Variants in PPP2R2C observed in about 807,000 individuals in gnomAD.
PPP2R2C encodes the protein protein phosphatase 2 regulatory subunit Bgamma, also known as protein phosphatase 2, regulatory subunit B, gamma.
In PPP2R2C, 10 loss-of-function variants were observed where a neutral mutation model predicts 45.3. The ratio of observed to expected loss-of-function variants is 0.22; its 90% CI spans 0.14 to 0.37. The LOEUF (loss-of-function observed/expected upper bound fraction) is 0.37, where lower values mean the gene tolerates loss of function less well. Ranked by LOEUF, PPP2R2C falls within the 10% of genes least tolerant of loss-of-function variation. The pLI is 1.00. For missense variants in PPP2R2C, 308 were observed against 619.7 expected (o/e 0.50, Z 5.34); for synonymous variants, 257 against 245.4 (o/e 1.05, Z -0.44).
chr4:6,383,573 T>G, intron 1 of PPP2R2C: 1 of 622,840 alleles, frequency 1.6e-6, no homozygotes, highest in South Asian at 1.8e-5. Flanking sequence ...TTCTTCCAAT[T>G]CTGCCCCACT....
At chr4:6,510,702 GC>G (rs1723398661) in intron 2 of PPP2R2C, among the ~76,000 whole-genome samples, 1 of 152,164 alleles carries the variant, frequency 6.6e-6, no homozygotes, top group Non-Finnish European at 1.5e-5. Flanking sequence ...TTGAGGCCGG[GC>G]ACGGTGTCTC....
chr4:6,342,081 T>TACACACACACACACACAC (rs58305750), intron 6 of PPP2R2C, among the ~76,000 whole-genome samples: 2 of 139,618 alleles, frequency 1.4e-5, no homozygotes, highest in South Asian at 2.5e-4. Flanking sequence ...TCTGCCACGA[T>TACACACACACACACACAC]ACACACACAC....
chr4:6,391,106 T>C (rs1716600239), intron 1 of PPP2R2C, among the ~76,000 whole-genome samples: 1 of 152,068 alleles, frequency 6.6e-6, no homozygotes, highest in Non-Finnish European at 1.5e-5. Flanking sequence ...AGAGTGTCTG[T>C]ATGGGGTGGG....
At position 6,453,938 on chromosome 4, in the gene PPP2R2C, G is replaced by A. The variant is rs144304673; in HGVS notation, c.70+18222C>T. On this transcript the variant is annotated intron_variant, in intron 1 of 8. Transcript: ENST00000382599. ...CTGTTTGTAAGAATAATTTCCACCC[G>A]GTGCACACCCAGGGCCACCGGTCTG... 3.9e-3 allele frequency among the ~76,000 whole-genome samples: 599 copies of A among 152,218 alleles called. 5 individuals are homozygous for A. The highest frequency in any genetic ancestry group is 0.013 in the African/African-American group (556 of 41,528).
chr4:6,412,866 C>A (rs965002215), intron 1 of PPP2R2C, among the ~76,000 whole-genome samples: 1 of 152,200 alleles, frequency 6.6e-6, no homozygotes, highest in Admixed American at 6.5e-5. Context: ...TTGCCCCTTC[C>A]CCCATGTGAG....
intron 1 of PPP2R2C, chr4:6,382,597 C>G (rs537210164): frequency 8.5e-7 from 1 of 1,172,826 alleles, no homozygotes; most frequent in East Asian, 4.9e-5. Context: ...TTCACTTGCT[C>G]AGGCCCAAGC....
chr4:6,358,362 A>G (rs1713408536), intron 5 of PPP2R2C, among the ~76,000 whole-genome samples: 1 of 152,214 alleles, frequency 6.6e-6, no homozygotes, highest in Admixed American at 6.5e-5. Context: ...CTTAAATGTT[A>G]GACCTAAAAC....
intron 1 of PPP2R2C, among the ~76,000 whole-genome samples, chr4:6,404,381 C>T (rs1717648351): frequency 6.6e-6 from 1 of 152,188 alleles, no homozygotes; most frequent in South Asian, 2.1e-4. Context: ...GATACTCCTA[C>T]CCTATCTCGC....
chr4:6,372,495 G>A (rs1194545402), intron 5 of PPP2R2C, 28 bp downstream of exon 5: 11 of 1,535,944 alleles, frequency 7.2e-6, no homozygotes, highest in Admixed American at 2.0e-5. Context: ...CCCGTGGGAG[G>A]CACTGGCCAG....
At chr4:6,523,557 C>G (rs1724092941) in intron 2 of PPP2R2C, 1 of 152,224 alleles carries the variant, frequency 6.6e-6, no homozygotes, top group African/African-American at 2.4e-5. Context: ...TGTCTGGAAT[C>G]CAAATGCAAA....
chr4:6,378,447 G>T lies in PPP2R2C; in HGVS notation c.294C>A (p.Leu98=). Residue 98 remains leucine, a synonymous_variant, in exon 3 of 9, where the codon CTC becomes CTA. Transcript: ENST00000382599. This position sits in a 1 kb window ranked among gnomAD's most constrained non-coding sequence, Gnocchi z 5.2. The part of the protein sequence containing the change: ...IEEKINKIKW[L]PQQNAAHSLL... ...GTGAGTGGGCGGCGTTCTGCTGTGG[G>T]AGCCACTTGATCTTGTTGATCTTCT... 6.2e-7 allele frequency: 1 copy of T among 1,614,194 alleles called. No homozygotes were observed. Among genetic ancestry groups the T allele is most frequent in the East Asian group, 2.2e-5 (1 of 44,870 alleles).
Position 6,328,608 on chromosome 4 carries a change from C to T in PPP2R2C, c.1052+654G>A, listed in dbSNP as rs1732144798. On this transcript the variant is annotated intron_variant, in intron 8 of 8. Transcript: ENST00000382599. The surrounding 1 kb of genome is among the most constrained non-coding windows in gnomAD (Gnocchi z 4.4). The stretch of plus-strand genomic sequence containing the variant: ...GAGGTCAGGTCAGGAGCCCCTGCCA[C>T]AGCCCCCTTGTCCATGCCCGCCCTG... 6.6e-6 allele frequency among the ~76,000 whole-genome samples: 1 copy of T among 152,248 alleles called. No individual in the cohort carries two copies. The highest frequency in any genetic ancestry group is 6.5e-5 in the Admixed American group (1 of 15,292).
intron 2 of PPP2R2C, among the ~76,000 whole-genome samples, chr4:6,503,867 A>T (rs1390994042): frequency 6.6e-6 from 1 of 152,192 alleles, no homozygotes; most frequent in Non-Finnish European, 1.5e-5. Context: ...GTCCTATCAG[A>T]CCAACCCTCC....
chr4:6,457,844 C>G (rs544505912), intron 1 of PPP2R2C, among the ~76,000 whole-genome samples: 1 of 152,288 alleles, frequency 6.6e-6, no homozygotes, highest in South Asian at 2.1e-4. Flanking sequence ...AAAAAAGCAC[C>G]CTTTCTATGC....
At chr4:6,548,300 C>G (rs1012253193) in intron 1 of PPP2R2C, among the ~76,000 whole-genome samples, 1 of 152,180 alleles carries the variant, frequency 6.6e-6, no homozygotes, top group Non-Finnish European at 1.5e-5. Context: ...CTCAGCCTCT[C>G]TGAGCCTCCC....
At chr4:6,496,236 G>A (rs1722877516) in intron 2 of PPP2R2C, among the ~76,000 whole-genome samples, 1 of 152,134 alleles carries the variant, frequency 6.6e-6, no homozygotes, top group Admixed American at 6.5e-5. Context: ...TTTTGCGGGG[G>A]GGCAAAGTTC....
chr4:6,513,321 G>A (rs1723729132), intron 2 of PPP2R2C, among the ~76,000 whole-genome samples: 1 of 152,180 alleles, frequency 6.6e-6, no homozygotes, highest in South Asian at 2.1e-4. Context: ...CAAAGAGTGG[G>A]CACAGAGATG....
intron 2 of PPP2R2C, among the ~76,000 whole-genome samples, chr4:6,528,607 T>A (rs116668737): frequency 0.021 from 3,132 of 152,334 alleles, 47 homozygotes; most frequent in Non-Finnish European, 0.033. Flanking sequence ...CCATCCTTAC[T>A]GTCAGGCCTC....
chr4:6,497,249 G>A (rs1346197872), intron 2 of PPP2R2C, among the ~76,000 whole-genome samples: 1 of 152,158 alleles, frequency 6.6e-6, no homozygotes, highest in African/African-American at 2.4e-5. Context: ...AGATGGAGGT[G>A]GCAGGGAAGT....
Sources: allele counts gnomAD v4.1 joint callset (sites outside exome capture counted in the v4.1 genomes callset), GRCh38; gene constraint gnomAD v4.1.1; non-coding constraint Gnocchi (gnomAD v3.1); transcripts MANE v1.5; gene names NCBI Gene and HGNC (gene_info 2026-07-23, HGNC 2026-07-21).